The following MYO1B variants were observed in gnomAD, a reference collection of about 807,000 sequenced individuals.
MYO1B encodes the protein unconventional myosin-Ib.
Under a neutral mutation model 159.7 loss-of-function variants are expected in MYO1B, and 72 were observed. The ratio of observed to expected loss-of-function variants is 0.45; its 90% CI spans 0.37 to 0.55. MYO1B has a LOEUF of 0.55. Ranked by LOEUF, MYO1B falls within the 20% of genes least tolerant of loss-of-function variation. The pLI is 0.00. For synonymous variants in MYO1B, 468 were observed against 473.8 expected, an observed-to-expected ratio of 0.99 and a Z score of 0.16; for missense variants, 1,062 against 1,364.8, an observed-to-expected ratio of 0.78 and a Z score of 3.50.
intron 4 of MYO1B, among the ~76,000 whole-genome samples, chr2:191,339,410 C>T (rs757847303): frequency 1.3e-5 from 2 of 152,252 alleles, no homozygotes; most frequent in South Asian, 2.1e-4. Context: ...GTATAATTCA[C>T]CAGCTTTTTT....
chr2:191,357,353 T>TG (rs549697129), intron 7 of MYO1B, among the ~76,000 whole-genome samples: 118 of 152,240 alleles, frequency 7.8e-4, no homozygotes, highest in African/African-American at 2.8e-3. Context: ...CCAGGCTCCG[T>TG]GTCGATAGTC....
intron 3 of MYO1B, among the ~76,000 whole-genome samples, chr2:191,328,005 A>G (rs1001937176): frequency 6.6e-6 from 1 of 152,198 alleles, no homozygotes; most frequent in Non-Finnish European, 1.5e-5. Flanking sequence ...ATGCTGGCAA[A>G]TAATTGTAGG....
intron 19 of MYO1B, among the ~76,000 whole-genome samples, 188 bp from the exon 20 acceptor site, chr2:191,392,885 T>C (rs183953264): frequency 2.0e-4 from 31 of 152,342 alleles, no homozygotes; most frequent in African/African-American, 7.2e-4. Flanking sequence ...AAGTCTTTCA[T>C]GAATCCATCA....
intron 3 of MYO1B, among the ~76,000 whole-genome samples, chr2:191,308,003 T>C (rs1689755868): frequency 6.6e-6 from 1 of 152,076 alleles, no homozygotes; most frequent in Admixed American, 6.5e-5. Context: ...TTCAAATTTT[T>C]GTAACCCAAT....
At position 191,416,108 on chromosome 2, in the gene MYO1B, C is replaced by G. The variant is rs1697546686; in HGVS notation, c.3160-7C>G. 3.1e-6 allele frequency: 5 copies of G among 1,612,628 alleles called. No individual in the cohort carries two copies. The South Asian group carries it at 5.5e-5, about 18-fold the overall frequency. On this transcript the variant is annotated splice_region_variant and splice_polypyrimidine_tract_variant and intron_variant, in intron 29 of 30. Coordinates refer to ENST00000392318, the MANE Select transcript of MYO1B (RefSeq NM_001130158.3). ...AATTATGACCGACTCTTGGTTTGTC[C>G]TTGCAGGGCTCAGAAGCAGCTAGTA...
intron 24 of MYO1B, 82 bp downstream of exon 24, chr2:191,402,800 A>T (rs1696693909): frequency 1.1e-5 from 11 of 1,044,678 alleles, no homozygotes. Context: ...ATGATTGATT[A>T]TGCTTGCTGA....
At chr2:191,294,287 A>T (rs1244167642) in intron 2 of MYO1B, among the ~76,000 whole-genome samples, 1 of 152,198 alleles carries the variant, frequency 6.6e-6, no homozygotes, top group Non-Finnish European at 1.5e-5. Flanking sequence ...TTAAAGAGCA[A>T]CTCAGTAAGT....
chr2:191,414,743 C>A, intron 29 of MYO1B, 74 bp downstream of exon 29: 1 of 1,496,112 alleles, frequency 6.7e-7, no homozygotes, highest in Non-Finnish European at 8.9e-7. Context: ...ATCTGATAAT[C>A]CTATCGCAGT....
At chr2:191,377,670 G>A (rs1694792984) in intron 13 of MYO1B, 1 of 152,210 alleles carries the variant, frequency 6.6e-6, no homozygotes, top group Admixed American at 6.5e-5. Flanking sequence ...ATGGAAAAAT[G>A]TGTTAGACCT....
chr2:191,250,509 C>T (rs1224039035), intron 1 of MYO1B, among the ~76,000 whole-genome samples: 1 of 152,206 alleles, frequency 6.6e-6, no homozygotes. Flanking sequence ...TGGCTGTCAA[C>T]TAAGGCTGTT....
At chr2:191,386,521 CTTAT>C in intron 16 of MYO1B, among the ~76,000 whole-genome samples, 1 of 133,618 alleles carries the variant, frequency 7.5e-6, no homozygotes, top group South Asian at 2.5e-4. Flanking sequence ...TTTTAAAACA[CTTAT>C]TTATTTGGTT....
intron 7 of MYO1B, among the ~76,000 whole-genome samples, chr2:191,352,182 G>A (rs1044980362): frequency 6.6e-6 from 1 of 152,176 alleles, no homozygotes; most frequent in East Asian, 1.9e-4. Flanking sequence ...ACAATATATG[G>A]CAGCTGATCA....
At chr2:191,378,613 G>A (rs898625347) in intron 13 of MYO1B, among the ~76,000 whole-genome samples, 3 of 152,154 alleles carry the variant, frequency 2.0e-5, no homozygotes, top group South Asian at 4.1e-4. Context: ...GGATATATAC[G>A]TGCTGGTCAC....
At chr2:191,300,310 C>G (rs1689234411) in intron 3 of MYO1B, among the ~76,000 whole-genome samples, 1 of 151,492 alleles carries the variant, frequency 6.6e-6, no homozygotes, top group Non-Finnish European at 1.5e-5. Context: ...ATTAACTTAC[C>G]CAATATTACA....
intron 3 of MYO1B, among the ~76,000 whole-genome samples, chr2:191,317,990 A>G (rs1327734842): frequency 1.3e-5 from 2 of 152,192 alleles, no homozygotes; most frequent in African/African-American, 4.8e-5. Context: ...AGAAAAGGTG[A>G]TGTTAGGATT....
chr2:191,267,630 C>T (rs996026814), intron 1 of MYO1B, among the ~76,000 whole-genome samples: 4 of 152,162 alleles, frequency 2.6e-5, no homozygotes, highest in Non-Finnish European at 4.4e-5. Context: ...AAATGCATGT[C>T]GGGGCACTCA....
At chr2:191,308,966 T>G (rs1177221732) in intron 3 of MYO1B, among the ~76,000 whole-genome samples, 2 of 152,188 alleles carry the variant, frequency 1.3e-5, no homozygotes, top group East Asian at 1.9e-4. Context: ...GTCCAGGGGC[T>G]CCACTCTGGG....
intron 1 of MYO1B, among the ~76,000 whole-genome samples, chr2:191,256,286 G>A (rs149413122): frequency 1.1e-3 from 170 of 152,188 alleles, no homozygotes; most frequent in Middle Eastern, 0.01. Flanking sequence ...TAGCTTAAAC[G>A]GTCTGCCTCC....
intron 3 of MYO1B, among the ~76,000 whole-genome samples, chr2:191,325,014 A>G (rs190319952): frequency 6.6e-6 from 1 of 152,214 alleles, no homozygotes; most frequent in Non-Finnish European, 1.5e-5. Flanking sequence ...CAAGGTTTCC[A>G]TGCAAAACAC....
Sources: gnomAD v4.1 joint callset for allele counts (sites outside exome capture counted in the v4.1 genomes callset) on GRCh38, gnomAD v4.1.1 for gene constraint, MANE v1.5 for transcripts, NCBI Gene and HGNC (gene_info 2026-07-23, HGNC 2026-07-21) for gene names.